The following FOXK1 variants were observed in gnomAD, a reference collection of about 807,000 sequenced individuals.
The protein encoded by FOXK1 is forkhead box protein K1.
Under a neutral mutation model 51.9 loss-of-function variants are expected in FOXK1, and 19 were observed. That is an observed-to-expected ratio of 0.37 (90% CI 0.26 to 0.54). The LOEUF is 0.54. Among genes scored for constraint, FOXK1 ranks in the 20% least tolerant of loss-of-function variants. The pLI, the probability that FOXK1 is intolerant of heterozygous loss-of-function variation, is 0.87. For synonymous variants in FOXK1, 537 were observed against 482.6 expected, an observed-to-expected ratio of 1.11 and a Z score of -1.48; for missense variants, 870 against 1,032.7, an observed-to-expected ratio of 0.84 and a Z score of 2.16.
rs569724404 is a variant in FOXK1, at chr7:4,752,586, G to A, written c.747-1873G>A. Among the ~76,000 whole-genome samples, 222 of 152,328 alleles carry A rather than the reference G, an allele frequency of 1.5e-3. 1 individual carries two copies. The highest frequency in any genetic ancestry group is 4.9e-3 in the African/African-American group (203 of 41,568). ...GTCCTCAGGAAGGATCCAGGAGCCC[G>A]CCTGCCACCTCATGGGCCTCGGATG... On this transcript the variant is annotated intron_variant, in intron 2 of 8. Transcript: ENST00000328914.
intron 2 of FOXK1, among the ~76,000 whole-genome samples, chr7:4,750,050 G>C (rs1217720323): frequency 2.0e-5 from 3 of 152,222 alleles, no homozygotes; most frequent in Admixed American, 2.0e-4. Context: ...AGCTCCGGGA[G>C]ACCCGTACTC....
Position 4,758,885 on chromosome 7 carries a change from C to A in FOXK1, c.1245-166C>A. The stretch of plus-strand genomic sequence containing the variant: ...CCCCACTCAAATGGAGTTTTAAAGG[C>A]TGGGTTCAGGTTACGGGGGCGTTTC... On this transcript the variant is annotated intron_variant, in intron 5 of 8. Transcript: ENST00000328914. The surrounding 1 kb of genome is among the most constrained non-coding windows in gnomAD (Gnocchi z 4.4). 1.5e-6 allele frequency: 1 copy of A among 682,766 alleles called. No individual in the cohort carries two copies. The highest frequency in any genetic ancestry group is 2.4e-6 in the Non-Finnish European group (1 of 415,996). The allele number at this position is 682,766 out of a possible 1,614,324, so 42.3% of individuals were successfully genotyped here.
At chr7:4,759,759 G>A in intron 7 of FOXK1, 164 bp downstream of exon 7, 8 of 879,252 alleles carry the variant, frequency 9.1e-6, no homozygotes, top group Non-Finnish European at 1.3e-5. Context: ...GAGCTGGGCA[G>A]GTGGCTCATG....
intron 1 of FOXK1, among the ~76,000 whole-genome samples, chr7:4,727,653 T>C (rs977197079): frequency 6.6e-6 from 1 of 152,348 alleles, no homozygotes; most frequent in South Asian, 2.1e-4. Context: ...GTTTCTCCTT[T>C]TAGGCTTCAG....
Position 4,761,201 on chromosome 7 carries a change from C to T in FOXK1, c.1834C>T (p.Leu612Phe), listed in dbSNP as rs760570650. The T allele has an allele frequency of 3.7e-6, 6 of 1,613,016 alleles. No homozygotes were observed. Among genetic ancestry groups the T allele is most frequent in the Admixed American group, 1.7e-5 (1 of 60,012 alleles). The change falls in exon 8 of 9, where the codon CTC becomes TTC. Residue 612 changes from leucine to phenylalanine, a missense_variant. By Grantham distance (22) the Leu-to-Phe change is conservative (BLOSUM62 0). This residue lies in a region of FOXK1 where 457 missense variants were observed against 510.8 expected (regional missense o/e 0.89). Transcript: ENST00000328914. The surrounding 1 kb of genome is among the most constrained non-coding windows in gnomAD (Gnocchi z 6.2). The part of the protein sequence containing the change: ...TILQPATPVT[L>F]GQHHLPVRAV... ...CCTGCAGCCCGCCACACCCGTGACC[C>T]TCGGGCAGCACCACCTTCCAGTCCG...
intron 1 of FOXK1, among the ~76,000 whole-genome samples, chr7:4,705,744 G>C (rs1158767792): frequency 2.0e-5 from 3 of 149,846 alleles, no homozygotes; most frequent in African/African-American, 7.5e-5. Flanking sequence ...TCACCACATT[G>C]GCCAGGATGG....
chr7:4,704,526 A>T (rs1040484345), intron 1 of FOXK1, among the ~76,000 whole-genome samples: 10 of 143,120 alleles, frequency 7.0e-5, no homozygotes, highest in Non-Finnish European at 1.1e-4. Context: ...TTCAAAAATT[A>T]AAAAAAAAAA....
In FOXK1 at chr7:4,729,387, G is replaced by A. The variant is rs1780421143; in HGVS notation, c.561-11451G>A. The stretch of plus-strand genomic sequence containing the variant: ...AGAGTAAAGCTGTGGGAGTCACCAC[G>A]GGTCCCCATGTTGGGATTGGGAAGC... On this transcript the variant is annotated intron_variant, in intron 1 of 8. Coordinates refer to ENST00000328914, the MANE Select transcript of FOXK1 (RefSeq NM_001037165.2). The surrounding 1 kb of genome is among the most constrained non-coding windows in gnomAD (Gnocchi z 6.2). 6.6e-6 allele frequency among the ~76,000 whole-genome samples: 1 copy of A among 152,178 alleles called. No homozygotes were observed.
At chr7:4,712,396 G>A (rs775418351) in intron 1 of FOXK1, among the ~76,000 whole-genome samples, 1 of 152,170 alleles carries the variant, frequency 6.6e-6, no homozygotes, top group Non-Finnish European at 1.5e-5. Flanking sequence ...CCGTTCCTTG[G>A]AGTGAAGGCT....
chr7:4,764,665 T>G lies in FOXK1; in HGVS notation c.*2201T>G, dbSNP rs1004314882. The G allele has an allele frequency of 1.3e-5, 2 of 152,536 alleles. No individual in the cohort carries two copies. Among genetic ancestry groups the G allele is most frequent in the African/African-American group, 2.4e-5 (1 of 41,460 alleles). The allele number at this position is 152,536 out of a possible 1,614,324, so 9.4% of individuals were successfully genotyped here. On this transcript the variant is annotated 3_prime_UTR_variant, in exon 9 of 9. Transcript: ENST00000328914. ...GTCACGGGGGGCCTCTGTGATTACC[T>G]GCTGCTGCTCTCTCCCGCGTGGTGA...
At chr7:4,714,880 C>T (rs980308880) in intron 1 of FOXK1, among the ~76,000 whole-genome samples, 2 of 152,162 alleles carry the variant, frequency 1.3e-5, no homozygotes, top group African/African-American at 4.8e-5. Context: ...CCGATTTCTC[C>T]AGAGAGCTGC....
At position 4,762,564 on chromosome 7, in the gene FOXK1, C is replaced by A. The variant is rs532363534; in HGVS notation, c.*100C>A. The A allele has an allele frequency of 8.0e-7, 1 of 1,256,030 alleles. No individual in the cohort carries two copies. The highest frequency in any genetic ancestry group is 1.5e-5 in the South Asian group (1 of 65,440). 77.8% of individuals were successfully genotyped at this position (1,256,030 alleles called of 1,614,324 possible). On this transcript the variant is annotated 3_prime_UTR_variant, in exon 9 of 9. Coordinates refer to ENST00000328914, the MANE Select transcript of FOXK1 (RefSeq NM_001037165.2). This position sits in a 1 kb window ranked among gnomAD's most constrained non-coding sequence, Gnocchi z 5.7. ...GCACCCACAGACGGAGGAGAACAGC[C>A]CGCGGCGGCCTGTGGGCATCGGCGG...
rs1780142932 is a variant in FOXK1 at position 4,709,155 on chromosome 7, C to T, written c.560+26287C>T. ...AAAATGTAGTTCCTGGAAGCCTCGC[C>T]TAGCTGTTGCTGTGCACACTGGGGG... On this transcript the variant is annotated intron_variant, in intron 1 of 8. Coordinates refer to ENST00000328914, the MANE Select transcript of FOXK1 (RefSeq NM_001037165.2). This position sits in a 1 kb window ranked among gnomAD's most constrained non-coding sequence, Gnocchi z 5.6. 6.6e-6 allele frequency among the ~76,000 whole-genome samples: 1 copy of T among 152,146 alleles called. No homozygotes were observed. The highest frequency in any genetic ancestry group is 2.1e-4 in the South Asian group (1 of 4,826).
chr7:4,765,441 A>G lies in FOXK1; in HGVS notation c.*2977A>G. On this transcript the variant is annotated 3_prime_UTR_variant, in exon 9 of 9. Coordinates refer to ENST00000328914, the MANE Select transcript of FOXK1 (RefSeq NM_001037165.2). ...CAGCCCCCAGCCTGGGCGGCCTGTG[A>G]CCCTGAGCCGTGTGGAGCCAGGACC... is the stretch of plus-strand genomic sequence containing the variant. 1 of 152,336 alleles carries G rather than the reference A, an allele frequency of 6.6e-6. No individual in the cohort carries two copies. Among genetic ancestry groups the G allele is most frequent in the Non-Finnish European group, 1.5e-5 (1 of 68,078 alleles). 9.4% of individuals were successfully genotyped at this position (152,336 alleles called of 1,614,324 possible). A position where few individuals can be genotyped will look rare whatever the true frequency, so the allele number is the denominator to read the frequency against.
Position 4,768,240 on chromosome 7 carries a change from C to A in FOXK1, c.*5776C>A, listed in dbSNP as rs188511. ...CTCCGCCTCCCGGGTTCACGCCATT[C>A]TCCTGCCTCAGCCTCCCGAGTAGCT... is the stretch of plus-strand genomic sequence containing the variant. On this transcript the variant is annotated 3_prime_UTR_variant, in exon 9 of 9. Transcript: ENST00000328914. 1.6e-4 allele frequency: 22 copies of A among 139,856 alleles called. 2 individuals are homozygous for A. Among genetic ancestry groups the A allele is most frequent in the African/African-American group, 6.4e-4 (22 of 34,330 alleles). 8.7% of individuals were successfully genotyped at this position (139,856 alleles called of 1,614,324 possible).
intron 1 of FOXK1, among the ~76,000 whole-genome samples, chr7:4,739,958 G>A (rs1212169077): frequency 6.6e-6 from 1 of 152,172 alleles, no homozygotes; most frequent in Non-Finnish European, 1.5e-5. Context: ...AGCGGCACTT[G>A]TCTGGGGATA....
chr7:4,740,733 G>C, intron 1 of FOXK1, 105 bp from the exon 2 acceptor site: 1 of 1,178,992 alleles, frequency 8.5e-7, no homozygotes, highest in Non-Finnish European at 1.2e-6. Flanking sequence ...AGGTTTGAGA[G>C]TTACGGTCCA....
chr7:4,714,252 C>T (rs754745107), intron 1 of FOXK1, among the ~76,000 whole-genome samples: 1 of 152,160 alleles, frequency 6.6e-6, no homozygotes, highest in Non-Finnish European at 1.5e-5. Flanking sequence ...CAGAGATCAT[C>T]TTTTCATGTT....
At chr7:4,705,773 G>A (rs1007492769) in intron 1 of FOXK1, among the ~76,000 whole-genome samples, 9 of 137,224 alleles carry the variant, frequency 6.6e-5, no homozygotes, top group African/African-American at 2.3e-4. Flanking sequence ...TCCCAACCTC[G>A]TGACCCCCCC....
Sources: allele counts gnomAD v4.1 joint callset (sites outside exome capture counted in the v4.1 genomes callset), GRCh38; gene constraint gnomAD v4.1.1; regional missense constraint gnomAD v4.1.1; non-coding constraint Gnocchi (gnomAD v3.1); transcripts MANE v1.5; gene names NCBI Gene and HGNC (gene_info 2026-07-23, HGNC 2026-07-21).